FHIP1A: variants seen among roughly 807,000 people sequenced by gnomAD.
FHIP1A encodes the protein FHF complex subunit HOOK-interacting protein 1A.
FHIP1A carries 61 observed loss-of-function variants against 88.6 expected under a neutral mutation model. The observed-to-expected ratio is 0.69, with a 90% CI of 0.56 to 0.85. The LOEUF is 0.85. FHIP1A is among the 40% of genes least tolerant of loss of function. The probability of loss-of-function intolerance (pLI) is 0.00; values close to 1 mark genes in which losing one functional copy is unlikely to be tolerated. For missense variants in FHIP1A, 1,154 were observed against 1,273.5 expected (o/e 0.91, Z 1.43); for synonymous variants, 478 against 496.0 (o/e 0.96, Z 0.48).
At chr4:151,457,386 A>C (rs970184744) in intron 2 of FHIP1A, among the ~76,000 whole-genome samples, 1 of 152,228 alleles carries the variant, frequency 6.6e-6, no homozygotes, top group African/African-American at 2.4e-5. Flanking sequence ...TTCTGCATGT[A>C]GGGAAGAGCC....
chr4:151,581,003 G>A lies in FHIP1A; in HGVS notation c.732+2927G>A, dbSNP rs145818987. Among the ~76,000 whole-genome samples the A allele has an allele frequency of 1.6e-3, 247 of 152,238 alleles. 1 individual carries two copies. The highest frequency in any genetic ancestry group is 3.4e-3 in the African/African-American group (143 of 41,570). On this transcript the variant is annotated intron_variant, in intron 5 of 13. Coordinates refer to ENST00000435205, the MANE Select transcript of FHIP1A (RefSeq NM_001109977.3). ...CTCCCAAATAGCTGGGACTACAGGC[G>A]TGTGCCACCACGCCCAGGTAATTTT...
In FHIP1A at chr4:151,665,000, C is replaced by T; in HGVS notation, c.*2246C>T. Among the ~76,000 whole-genome samples, 1 of 152,092 alleles carries T rather than the reference C, an allele frequency of 6.6e-6. No individual in the cohort carries two copies. The highest frequency in any genetic ancestry group is 1.9e-4 in the East Asian group (1 of 5,194). On this transcript the variant is annotated 3_prime_UTR_variant, in exon 14 of 14. Transcript: ENST00000435205. Reference sequence around the variant, plus strand: ...ACTTTATTATTTTATTTTTTTGAGACAGGATCTTGCGCTGCCTGGGCTAGA... The same window carrying T: ...ACTTTATTATTTTATTTTTTTGAGATAGGATCTTGCGCTGCCTGGGCTAGA...
chr4:151,625,748 G>A (rs1735930081), intron 7 of FHIP1A, among the ~76,000 whole-genome samples: 1 of 152,124 alleles, frequency 6.6e-6, no homozygotes, highest in Non-Finnish European at 1.5e-5. Flanking sequence ...TGTCCATTTT[G>A]CCTATTTCTG....
intron 1 of FHIP1A, among the ~76,000 whole-genome samples, chr4:151,445,056 C>T (rs1728542338): frequency 6.6e-6 from 1 of 152,140 alleles, no homozygotes; most frequent in Non-Finnish European, 1.5e-5. Context: ...AGGGGGTCCC[C>T]AGGTTTCCTA....
intron 9 of FHIP1A, among the ~76,000 whole-genome samples, chr4:151,642,241 A>G (rs1367956176): frequency 6.6e-6 from 1 of 152,244 alleles, no homozygotes; most frequent in Non-Finnish European, 1.5e-5. Flanking sequence ...GGAACCTCCC[A>G]GTTGAGACAA....
chr4:151,514,936 C>A (rs1456730884), intron 3 of FHIP1A, among the ~76,000 whole-genome samples: 1 of 152,150 alleles, frequency 6.6e-6, no homozygotes, highest in Non-Finnish European at 1.5e-5. Context: ...AAGAGGGAAT[C>A]CTCCCTAACT....
chr4:151,634,064 A>G (rs937352316), intron 8 of FHIP1A, among the ~76,000 whole-genome samples: 6 of 151,942 alleles, frequency 3.9e-5, no homozygotes, highest in Non-Finnish European at 7.4e-5. Context: ...AGAACTAACA[A>G]GCGAGTTCAG....
chr4:151,484,925 G>A (rs927008880), intron 3 of FHIP1A, among the ~76,000 whole-genome samples: 2 of 152,196 alleles, frequency 1.3e-5, no homozygotes, highest in Non-Finnish European at 2.9e-5. Context: ...AATTGGGGTG[G>A]TGAGTGAGGA....
intron 1 of FHIP1A, among the ~76,000 whole-genome samples, chr4:151,441,018 A>C (rs898953904): frequency 2.0e-5 from 3 of 152,014 alleles, no homozygotes; most frequent in Non-Finnish European, 2.9e-5. Context: ...AACTTTTCTA[A>C]TTGACTACGC....
rs972666253 is a variant in FHIP1A, at chr4:151,595,852, CT to C, written c.978+6934del. On this transcript the variant is annotated intron_variant, in intron 7 of 13. Coordinates refer to ENST00000435205, the MANE Select transcript of FHIP1A (RefSeq NM_001109977.3). ...ATCAGAGACTAGGATTGCAACACTG[CT>C]TTTTTTTGCTTTCCATTTGCTTGGT... 2.6e-5 allele frequency among the ~76,000 whole-genome samples: 4 copies of C among 151,960 alleles called. No individual in the cohort carries two copies. The East Asian group carries it at 5.8e-4, about 22-fold the overall frequency.
At chr4:151,412,661 TTCTTTCTC>T (rs1244968999) in intron 1 of FHIP1A, among the ~76,000 whole-genome samples, 1 of 117,594 alleles carries the variant, frequency 8.5e-6, no homozygotes. Context: ...CCTTCTTTCT[TTCTTTCTC>T]TCTCTCTCTC....
intron 7 of FHIP1A, among the ~76,000 whole-genome samples, chr4:151,621,660 G>C (rs1735751268): frequency 6.6e-6 from 1 of 152,150 alleles, no homozygotes; most frequent in Non-Finnish European, 1.5e-5. Context: ...TCATTCTAGA[G>C]AAGCTGCTGG....
intron 3 of FHIP1A, among the ~76,000 whole-genome samples, chr4:151,515,855 G>A (rs549035812): frequency 9.2e-5 from 14 of 152,254 alleles, no homozygotes; most frequent in African/African-American, 1.9e-4. Context: ...AATCAATATC[G>A]TGAAAATGGC....
intron 3 of FHIP1A, among the ~76,000 whole-genome samples, chr4:151,551,797 C>T (rs1732743679): frequency 6.6e-6 from 1 of 152,156 alleles, no homozygotes; most frequent in Non-Finnish European, 1.5e-5. Context: ...GTCTAAAACA[C>T]CAAAAGCAAT....
At chr4:151,560,366 G>C (rs1431992999) in intron 3 of FHIP1A, among the ~76,000 whole-genome samples, 1 of 152,072 alleles carries the variant, frequency 6.6e-6, no homozygotes, top group Non-Finnish European at 1.5e-5. Flanking sequence ...AACATCACTT[G>C]CCAAAGGTAC....
chr4:151,435,784 C>CAAAAAAAAAAA (rs202118440), intron 1 of FHIP1A, among the ~76,000 whole-genome samples: 1 of 121,396 alleles, frequency 8.2e-6, no homozygotes. Flanking sequence ...AACTCTGTGT[C>CAAAAAAAAAAA]AAAAAAAAAA....
chr4:151,563,793 C>A (rs554987058), intron 3 of FHIP1A, among the ~76,000 whole-genome samples: 3 of 151,826 alleles, frequency 2.0e-5, no homozygotes, highest in Non-Finnish European at 4.4e-5. Flanking sequence ...AGTTCGAGAC[C>A]AGCCTGGGCA....
chr4:151,658,806 A>T (rs569528561), intron 13 of FHIP1A, among the ~76,000 whole-genome samples: 3 of 152,324 alleles, frequency 2.0e-5, no homozygotes, highest in Admixed American at 6.5e-5. Context: ...TGCTCTGAAA[A>T]GGGCAAAAAA....
At chr4:151,439,150 T>C (rs1423716828) in intron 1 of FHIP1A, among the ~76,000 whole-genome samples, 1 of 152,180 alleles carries the variant, frequency 6.6e-6, no homozygotes, top group African/African-American at 2.4e-5. Flanking sequence ...TAGACTCAGA[T>C]GAAAAATCTA....
Sources: allele counts gnomAD v4.1 joint callset (sites outside exome capture counted in the v4.1 genomes callset), GRCh38; gene constraint gnomAD v4.1.1; transcripts MANE v1.5; gene names NCBI Gene and HGNC (gene_info 2026-07-23, HGNC 2026-07-21).